PARP4: variants seen among roughly 807,000 people sequenced by gnomAD.
PARP4 encodes poly(ADP-ribose) polymerase family member 4.
Under a neutral mutation model 187.7 loss-of-function variants are expected in PARP4, and 120 were observed. The observed-to-expected ratio is 0.64, with a 90% CI of 0.55 to 0.74. The LOEUF (loss-of-function observed/expected upper bound fraction) is 0.74. Among genes scored for constraint, PARP4 ranks in the 30% least tolerant of loss-of-function variants. The pLI is 0.00. For synonymous variants in PARP4, 654 were observed against 740.9 expected, an observed-to-expected ratio of 0.88 and a Z score of 1.90; for missense variants, 1,836 against 2,070.5, an observed-to-expected ratio of 0.89 and a Z score of 2.20.
At chr13:24,505,904 G>A (rs909838920) in intron 1 of PARP4, among the ~76,000 whole-genome samples, 9 of 152,318 alleles carry the variant, frequency 5.9e-5, no homozygotes, top group Non-Finnish European at 1.0e-4. Flanking sequence ...TCTCTGCCGC[G>A]GCCCACGCGT....
intron 14 of PARP4, 83 bp from the exon 15 acceptor site, chr13:24,475,679 C>A (rs1424793039): frequency 7.7e-6 from 10 of 1,298,004 alleles, no homozygotes; most frequent in African/African-American, 1.5e-5. Flanking sequence ...CTTCTTCAAG[C>A]CTTCATGCAT....
rs1467232574 is a variant in PARP4 at position 24,420,975 on chromosome 13, A to T, written c.*144T>A. On this transcript the variant is annotated 3_prime_UTR_variant, in exon 34 of 34. Coordinates refer to ENST00000381989, the MANE Select transcript of PARP4 (RefSeq NM_006437.4). ...TTATTGCTTGTTAGTTGATTAAAGT[A>T]ATTCTTCTTCCACTTAATTTTTAAA... is the stretch of plus-strand genomic sequence containing the variant. 2.7e-5 allele frequency: 28 copies of T among 1,053,740 alleles called. No homozygotes were observed. Among genetic ancestry groups the T allele is most frequent in the Non-Finnish European group, 3.4e-5 (27 of 787,748 alleles). 65.3% of individuals were successfully genotyped at this position (1,053,740 alleles called of 1,614,324 possible).
chr13:24,503,004 C>T (rs73154388), intron 2 of PARP4, among the ~76,000 whole-genome samples: 14,905 of 152,182 alleles, frequency 0.098, 815 homozygotes, highest in Non-Finnish European at 0.12. Context: ...GGCAGGCCAG[C>T]CTGGCACCTA....
rs34792097 is a variant in PARP4 at position 24,425,543 on chromosome 13, ATGTG to A, written c.4979+919_4979+922del. Among the ~76,000 whole-genome samples the A allele has an allele frequency of 8.0e-3, 1,164 of 144,852 alleles. 8 individuals carry two copies. The highest frequency in any genetic ancestry group is 8.9e-3 in the Admixed American group (126 of 14,228). ...TGTGTATATGTGTATGCATGTGTGC[ATGTG>A]TGTGTGTGTGTGTGTGTGTGTGTAT... On this transcript the variant is annotated intron_variant, in intron 33 of 33. Coordinates refer to ENST00000381989, the MANE Select transcript of PARP4 (RefSeq NM_006437.4).
intron 12 of PARP4, among the ~76,000 whole-genome samples, chr13:24,481,813 G>A (rs1304653973): frequency 6.6e-6 from 1 of 152,208 alleles, no homozygotes; most frequent in Non-Finnish European, 1.5e-5. Context: ...CTATGGCTAT[G>A]GTTGCATCTT....
At chr13:24,461,690 C>CTTGG (rs1872224119) in intron 17 of PARP4, among the ~76,000 whole-genome samples, 1 of 151,680 alleles carries the variant, frequency 6.6e-6, no homozygotes, top group Admixed American at 6.6e-5. Context: ...AGCACCTCTC[C>CTTGG]GTGGAGCAGG....
intron 10 of PARP4, among the ~76,000 whole-genome samples, chr13:24,489,384 C>T (rs1172596572): frequency 1.3e-5 from 2 of 152,038 alleles, no homozygotes; most frequent in East Asian, 3.9e-4. Context: ...CCGAGGCTGG[C>T]AGATCACAAG....
At position 24,486,185 on chromosome 13, in the gene PARP4, G is replaced by C; in HGVS notation, c.1335C>G (p.Ile445Met). ...PLLHGSPVQN[I>M]VGILCRGLLL... ...ACTCTTACCGACACAAGATTCCCACGATGTTTTGTACAGGAGAACCATGCA... is the reference window on the plus strand; with the variant it reads ...ACTCTTACCGACACAAGATTCCCACCATGTTTTGTACAGGAGAACCATGCA... The change falls in exon 11 of 34, where the codon ATC becomes ATG. Residue 445 changes from isoleucine to methionine, a missense_variant. Ile to Met is a conservative substitution (Grantham distance 10). Transcript: ENST00000381989. 1 of 1,610,548 alleles carries C rather than the reference G, an allele frequency of 6.2e-7. No individual in the cohort carries two copies. Among genetic ancestry groups the C allele is most frequent in the Non-Finnish European group, 8.5e-7 (1 of 1,178,750 alleles).
chr13:24,484,772 G>C (rs765867345), intron 11 of PARP4, 24 bp from the exon 12 acceptor site: 20 of 1,412,806 alleles, frequency 1.4e-5, no homozygotes, highest in Non-Finnish European at 2.0e-5. Flanking sequence ...GGCAGGATAA[G>C]GTGTAAGCCC....
intron 8 of PARP4, 94 bp downstream of exon 8, chr13:24,493,500 CAG>C (rs1868778683): frequency 2.7e-6 from 3 of 1,129,276 alleles, no homozygotes; most frequent in Non-Finnish European, 3.8e-6. Flanking sequence ...AATTCCAGAG[CAG>C]TCAGGCCAGC....
intron 23 of PARP4, among the ~76,000 whole-genome samples, chr13:24,452,915 TTTA>T (rs1292230033): frequency 6.7e-6 from 1 of 149,402 alleles, no homozygotes; most frequent in Non-Finnish European, 1.5e-5. Context: ...CTTGCTCAAT[TTTA>T]TTATTATTTC....
intron 8 of PARP4, among the ~76,000 whole-genome samples, chr13:24,493,286 C>T (rs574759118): frequency 6.6e-6 from 1 of 152,304 alleles, no homozygotes; most frequent in East Asian, 1.9e-4. Flanking sequence ...CAAGACCACC[C>T]ATAACCCTCC....
At chr13:24,481,701 A>C (rs1873290313) in intron 12 of PARP4, among the ~76,000 whole-genome samples, 1 of 148,996 alleles carries the variant, frequency 6.7e-6, no homozygotes, top group Non-Finnish European at 1.5e-5. Flanking sequence ...TCAAAAAAGA[A>C]AAAAAGAAAG....
At chr13:24,435,529 A>T in intron 30 of PARP4, 55 bp from the exon 31 acceptor site, 2 of 1,503,820 alleles carry the variant, frequency 1.3e-6, no homozygotes, top group Non-Finnish European at 8.8e-7. Flanking sequence ...TAAAAAGAAC[A>T]ATCAAGCAAA....
In PARP4 at chr13:24,494,743, C is replaced by G. The variant is rs201913910; in HGVS notation, c.592-21G>C. 125 of 1,555,996 alleles carry G rather than the reference C, an allele frequency of 8.0e-5. No homozygotes were observed. In the African/African-American group the frequency reaches 1.5e-3, roughly 19 times the overall value. ...CTAGTCTGTGAATTATGGTGTATAG[C>G]AAAAGTACAGTCATTATTTACATAT... On this transcript the variant is annotated intron_variant, in intron 6 of 33. Coordinates refer to ENST00000381989, the MANE Select transcript of PARP4 (RefSeq NM_006437.4).
At chr13:24,451,991 A>T (rs1593605711) in intron 24 of PARP4, 1 of 155,784 alleles carries the variant, frequency 6.4e-6, no homozygotes, top group South Asian at 2.0e-4. Flanking sequence ...CGAGTCCAGC[A>T]CAGCCAGTGA....
At chr13:24,504,441 G>A (rs1214315232) in intron 1 of PARP4, among the ~76,000 whole-genome samples, 2 of 149,682 alleles carry the variant, frequency 1.3e-5, no homozygotes, top group Non-Finnish European at 3.0e-5. Context: ...AGCCTCCCGA[G>A]TAGCTGGGAC....
intron 1 of PARP4, among the ~76,000 whole-genome samples, chr13:24,510,881 C>T (rs553074065): frequency 3.2e-4 from 48 of 152,294 alleles, no homozygotes; most frequent in African/African-American, 1.0e-3. Context: ...CTCACTGCAA[C>T]CTCGACCTCC....
intron 30 of PARP4, among the ~76,000 whole-genome samples, chr13:24,438,066 ATTC>A (rs1870724005): frequency 6.6e-6 from 1 of 152,006 alleles, no homozygotes; most frequent in African/African-American, 2.4e-5. Context: ...CCTCATTATG[ATTC>A]TTCTATTTGT....
Sources: allele counts gnomAD v4.1 joint callset (sites outside exome capture counted in the v4.1 genomes callset), GRCh38; gene constraint gnomAD v4.1.1; transcripts MANE v1.5; gene names NCBI Gene and HGNC (gene_info 2026-07-23, HGNC 2026-07-21).